Variants in TBC1D9 observed in about 807,000 individuals in gnomAD.
TBC1D9 encodes TBC1 domain family member 9, also known as TBC1 domain family member 9A.
A neutral mutation model predicts 132.0 loss-of-function variants in TBC1D9; 63 were observed. The observed-to-expected ratio is 0.48, with a 90% confidence interval of 0.39 to 0.59. The LOEUF is 0.59. Ranked by LOEUF, TBC1D9 falls within the 20% of genes least tolerant of loss-of-function variation. TBC1D9 has a pLI of 0.00. For synonymous variants in TBC1D9, 610 were observed against 609.9 expected (o/e 1.00, Z 0.00); for missense variants, 1,261 against 1,592.7 (o/e 0.79, Z 3.54).
intron 11 of TBC1D9, 141 bp downstream of exon 11, chr4:140,659,447 C>T: frequency 3.4e-6 from 2 of 583,330 alleles, no homozygotes; most frequent in Non-Finnish European, 6.1e-6. Flanking sequence ...TTCAACCTCT[C>T]TCATTTCCAT....
chr4:140,679,432 T>C (rs1254560601), intron 4 of TBC1D9, among the ~76,000 whole-genome samples, 183 bp downstream of exon 4: 1 of 152,206 alleles, frequency 6.6e-6, no homozygotes, highest in Non-Finnish European at 1.5e-5. Context: ...TTAGTGAATC[T>C]TTATTACTTA....
In TBC1D9 at chr4:140,756,273, G is replaced by C. The variant is rs2111091540; in HGVS notation, c.-228C>G. On this transcript the variant is annotated 5_prime_UTR_variant, in exon 1 of 21. Transcript: ENST00000442267. This position sits in a 1 kb window ranked among gnomAD's most constrained non-coding sequence, Gnocchi z 5.6. ...GGTGAGGACGCGGGCGCGGCAAGCAGCATCCTCCCCGCGGCGTCGCCGCCC... is the reference window on the plus strand; with the variant it reads ...GGTGAGGACGCGGGCGCGGCAAGCACCATCCTCCCCGCGGCGTCGCCGCCC... Among the ~76,000 whole-genome samples, 1 of 151,946 alleles carries C rather than the reference G, an allele frequency of 6.6e-6. No individual in the cohort carries two copies. The highest frequency in any genetic ancestry group is 3.5e-3 in the Middle Eastern group (1 of 288).
intron 2 of TBC1D9, among the ~76,000 whole-genome samples, chr4:140,698,991 C>T (rs994792943): frequency 8.5e-5 from 13 of 152,116 alleles, no homozygotes; most frequent in African/African-American, 2.7e-4. Flanking sequence ...CTAGACTGTA[C>T]GTTTCTCAAG....
rs1210700527 is a variant in TBC1D9 at position 140,713,514 on chromosome 4, AC to A, written c.131-11901del. ...GACTTTGGGAGGCCAAGGTGGGAAG[AC>A]CACTTGAGCCCAGGAGTCTGAGACA... On this transcript the variant is annotated intron_variant, in intron 1 of 20. Transcript: ENST00000442267. 3.3e-5 allele frequency among the ~76,000 whole-genome samples: 5 copies of A among 152,228 alleles called. No homozygotes were observed. In the East Asian group the frequency reaches 9.7e-4, roughly 29 times the overall value.
intron 10 of TBC1D9, 112 bp downstream of exon 10, chr4:140,661,781 C>G: frequency 1.1e-6 from 1 of 871,098 alleles, no homozygotes; most frequent in African/African-American, 1.7e-5. Context: ...GGTTGAGAGG[C>G]CCTGGTAAAG....
intron 2 of TBC1D9, among the ~76,000 whole-genome samples, chr4:140,687,305 T>A: frequency 7.8e-6 from 1 of 127,908 alleles, no homozygotes; most frequent in African/African-American, 2.6e-5. Context: ...CATATATATG[T>A]GTGCCATATA....
At chr4:140,708,539 C>T (rs957217756) in intron 1 of TBC1D9, among the ~76,000 whole-genome samples, 4 of 152,184 alleles carry the variant, frequency 2.6e-5, no homozygotes, top group African/African-American at 9.7e-5. Context: ...GTGCCCAACA[C>T]ACAGACTGGT....
At chr4:140,631,778 G>A (rs1188540905) in intron 16 of TBC1D9, among the ~76,000 whole-genome samples, 1 of 151,926 alleles carries the variant, frequency 6.6e-6, no homozygotes, top group Non-Finnish European at 1.5e-5. Context: ...TGTATTTTTA[G>A]TAGAGACAGG....
intron 1 of TBC1D9, among the ~76,000 whole-genome samples, chr4:140,710,735 G>A (rs984644175): frequency 6.6e-5 from 10 of 152,014 alleles, no homozygotes; most frequent in African/African-American, 2.2e-4. Flanking sequence ...TCTCCTGGGT[G>A]GGGGGGTGGT....
rs536186705 is a variant in TBC1D9 at position 140,745,800 on chromosome 4, T to C, written c.130+10116A>G. On this transcript the variant is annotated intron_variant, in intron 1 of 20. Transcript: ENST00000442267. ...AACCCCCTGTGTATTTATAAATAAATACACAAGCACTACTAGTTGCAACTT... is the reference window on the plus strand; with the variant it reads ...AACCCCCTGTGTATTTATAAATAAACACACAAGCACTACTAGTTGCAACTT... Among the ~76,000 whole-genome samples, 299 of 152,182 alleles carry C rather than the reference T, an allele frequency of 2.0e-3. 1 individual carries two copies. Among genetic ancestry groups the C allele is most frequent in the South Asian group, 9.1e-3 (44 of 4,818 alleles).
chr4:140,662,503 A>G (rs566644546), intron 9 of TBC1D9, among the ~76,000 whole-genome samples: 1 of 152,214 alleles, frequency 6.6e-6, no homozygotes, highest in Admixed American at 6.5e-5. Context: ...CTTTTATTTT[A>G]TTGTGGTTTC....
intron 16 of TBC1D9, 131 bp downstream of exon 16, chr4:140,633,817 A>G: frequency 8.9e-7 from 1 of 1,121,770 alleles, no homozygotes; most frequent in Non-Finnish European, 1.3e-6. Context: ...TACTATGTTC[A>G]TGAAAAACAC....
At chr4:140,714,270 G>A (rs1319567456) in intron 1 of TBC1D9, among the ~76,000 whole-genome samples, 1 of 152,284 alleles carries the variant, frequency 6.6e-6, no homozygotes, top group East Asian at 1.9e-4. Flanking sequence ...GTCTCAAGAG[G>A]TCCTGAGAAC....
chr4:140,699,149 A>C (rs1215554886), intron 2 of TBC1D9, among the ~76,000 whole-genome samples: 1 of 152,244 alleles, frequency 6.6e-6, no homozygotes, highest in Non-Finnish European at 1.5e-5. Flanking sequence ...AGAATAAAGT[A>C]ATGTTGGATT....
intron 2 of TBC1D9, among the ~76,000 whole-genome samples, chr4:140,695,102 C>A (rs911346017): frequency 5.3e-5 from 8 of 152,166 alleles, no homozygotes; most frequent in Admixed American, 2.0e-4. Context: ...AATTAGTAAT[C>A]TTTAATTAAA....
At chr4:140,710,651 C>G (rs10015397) in intron 1 of TBC1D9, among the ~76,000 whole-genome samples, 6,687 of 152,226 alleles carry the variant, frequency 0.044, 173 homozygotes, top group Middle Eastern at 0.099. Flanking sequence ...TCCATTTCCC[C>G]TGCAAGCCCA....
chr4:140,702,313 T>G (rs1738085791), intron 1 of TBC1D9, among the ~76,000 whole-genome samples: 2 of 152,222 alleles, frequency 1.3e-5, no homozygotes, highest in Admixed American at 1.3e-4. Flanking sequence ...AGCCTGAATG[T>G]TCAGCAAAAG....
At chr4:140,657,479 G>A in intron 12 of TBC1D9, 48 bp downstream of exon 12, 1 of 1,556,238 alleles carries the variant, frequency 6.4e-7, no homozygotes, top group South Asian at 1.2e-5. Context: ...GAGAAAGCAT[G>A]AGGAAGAAAA....
At chr4:140,692,423 C>T (rs1737890466) in intron 2 of TBC1D9, among the ~76,000 whole-genome samples, 1 of 152,070 alleles carries the variant, frequency 6.6e-6, no homozygotes, top group Non-Finnish European at 1.5e-5. Context: ...GTTTCCATAC[C>T]AAATGAAGGC....
Sources: allele counts gnomAD v4.1 joint callset (sites outside exome capture counted in the v4.1 genomes callset), GRCh38; gene constraint gnomAD v4.1.1; non-coding constraint Gnocchi (gnomAD v3.1); transcripts MANE v1.5; gene names NCBI Gene and HGNC (gene_info 2026-07-23, HGNC 2026-07-21).